Variants in PIGK observed in about 807,000 individuals in gnomAD.
PIGK encodes the protein GPI-anchor transamidase.
PIGK carries 42 observed loss-of-function variants against 50.6 expected under a neutral mutation model. The observed-to-expected ratio is 0.83, with a 90% CI of 0.65 to 1.07. The LOEUF is 1.07. Ranked by LOEUF, PIGK falls within the 50% of genes least tolerant of loss-of-function variation. PIGK has a pLI of 0.00. For missense variants in PIGK, 448 were observed against 488.7 expected, an observed-to-expected ratio of 0.92 and a Z score of 0.78; for synonymous variants, 151 against 156.0, an observed-to-expected ratio of 0.97 and a Z score of 0.24.
At chr1:77,156,000 A>G (rs1655000371) in intron 8 of PIGK, among the ~76,000 whole-genome samples, 1 of 152,202 alleles carries the variant, frequency 6.6e-6, no homozygotes, top group Non-Finnish European at 1.5e-5. Context: ...ACCTAATACC[A>G]CACTGCCAGC....
At chr1:77,117,645 G>A (rs930370728) in intron 10 of PIGK, among the ~76,000 whole-genome samples, 9 of 152,142 alleles carry the variant, frequency 5.9e-5, no homozygotes, top group African/African-American at 2.2e-4. Flanking sequence ...CCTGTGTGAT[G>A]GAAGTTAGGG....
chr1:77,203,860 T>C (rs910331537), intron 3 of PIGK, among the ~76,000 whole-genome samples: 1 of 152,206 alleles, frequency 6.6e-6, no homozygotes, highest in African/African-American at 2.4e-5. Context: ...TAATTTCCTA[T>C]GCCTGTCTTT....
At chr1:77,205,476 C>T (rs1656268127) in intron 3 of PIGK, among the ~76,000 whole-genome samples, 1 of 151,716 alleles carries the variant, frequency 6.6e-6, no homozygotes, top group African/African-American at 2.4e-5. Flanking sequence ...TGTAATATAA[C>T]TTTGTTTCCT....
chr1:77,112,379 G>A (rs1472910735), intron 10 of PIGK, among the ~76,000 whole-genome samples: 1 of 151,964 alleles, frequency 6.6e-6, no homozygotes, highest in Non-Finnish European at 1.5e-5. Flanking sequence ...GAAGGGAACT[G>A]TGTTTTAATT....
At chr1:77,175,539 T>G (rs1655465642) in intron 3 of PIGK, among the ~76,000 whole-genome samples, 1 of 152,014 alleles carries the variant, frequency 6.6e-6, no homozygotes, top group Non-Finnish European at 1.5e-5. Flanking sequence ...ACATGCAAGG[T>G]GTATAAGGAA....
chr1:77,119,920 A>G (rs1318897679), intron 10 of PIGK, among the ~76,000 whole-genome samples: 8 of 152,026 alleles, frequency 5.3e-5, no homozygotes, highest in Non-Finnish European at 1.0e-4. Flanking sequence ...AGAGATATGT[A>G]TACATAGTAC....
rs183342425 is a variant in PIGK at position 77,182,989 on chromosome 1, C to T, written c.240-13594G>A. On this transcript the variant is annotated intron_variant, in intron 3 of 10. Transcript: ENST00000370812. ...TGATGAACTCAGGGATTCTGTCTCC[C>T]GGCTTCAGATACTGAGCCTCCCATC... 1.2e-3 allele frequency among the ~76,000 whole-genome samples: 179 copies of T among 152,256 alleles called. 1 individual carries two copies. The highest frequency in any genetic ancestry group is 4.2e-3 in the African/African-American group (173 of 41,548).
At chr1:77,179,084 A>T (rs936700599) in intron 3 of PIGK, among the ~76,000 whole-genome samples, 19 of 152,338 alleles carry the variant, frequency 1.2e-4, no homozygotes, top group African/African-American at 4.6e-4. Context: ...CTAAGACTTT[A>T]AGGAAACACA....
intron 3 of PIGK, among the ~76,000 whole-genome samples, chr1:77,203,707 T>C (rs1656222844): frequency 6.6e-6 from 1 of 152,204 alleles, no homozygotes; most frequent in Non-Finnish European, 1.5e-5. Flanking sequence ...CAGAAGGACA[T>C]AAATTGTGAA....
At chr1:77,126,063 T>C (rs1239242772) in intron 9 of PIGK, among the ~76,000 whole-genome samples, 1 of 152,204 alleles carries the variant, frequency 6.6e-6, no homozygotes, top group Non-Finnish European at 1.5e-5. Context: ...TATCTTCCTG[T>C]TTGTCCATTT....
chr1:77,169,490 TCTC>T (rs150380534), intron 3 of PIGK, 95 bp from the exon 4 acceptor site: 40,028 of 999,102 alleles, frequency 0.04, 1,811 homozygotes, highest in South Asian at 0.17. Flanking sequence ...TGTTCATTTT[TCTC>T]CTCCTTAAAA....
rs201620183 is a variant in PIGK, at chr1:77,206,767, T to C, written c.148-36A>G. ...AAAACAAAAACAGAATTTTTATGCA[T>C]CAAGGCTAACCATGGAGCTGCAGAG... On this transcript the variant is annotated intron_variant, in intron 2 of 10. Transcript: ENST00000370812. 5.8e-3 allele frequency: 7,126 copies of C among 1,234,634 alleles called. 32 individuals are homozygous for C. The highest frequency in any genetic ancestry group is 7.3e-3 in the Non-Finnish European group (6,143 of 837,074). The allele number at this position is 1,234,634 out of a possible 1,614,324, so 76.5% of individuals were successfully genotyped here.
rs750665272 is a variant in PIGK, at chr1:77,090,829, T to C, written c.*1545A>G. 1 of 152,166 alleles carries C rather than the reference T, an allele frequency of 6.6e-6. No homozygotes were observed. Among genetic ancestry groups the C allele is most frequent in the Non-Finnish European group, 1.5e-5 (1 of 68,014 alleles). The allele number at this position is 152,166 out of a possible 1,614,324, so 9.4% of individuals were successfully genotyped here. A position where few individuals can be genotyped will look rare whatever the true frequency, so the allele number is the denominator to read the frequency against. ...ACAAAATTTTTCTTCCTCATTTATA[T>C]AACACATCAATAAAAAGATCAATTA... On this transcript the variant is annotated 3_prime_UTR_variant, in exon 11 of 11. Transcript: ENST00000370812.
chr1:77,190,366 A>C (rs549071483), intron 3 of PIGK, among the ~76,000 whole-genome samples: 38 of 152,324 alleles, frequency 2.5e-4, no homozygotes, highest in Non-Finnish European at 4.4e-4. Context: ...ATGCCATTGC[A>C]CTTTAGCCTG....
intron 10 of PIGK, among the ~76,000 whole-genome samples, chr1:77,116,560 C>CTG (rs1334730082): frequency 8.7e-5 from 9 of 103,902 alleles, no homozygotes; most frequent in African/African-American, 2.4e-4. Context: ...TTAAATGTGT[C>CTG]TCTGTGTGTG....
chr1:77,180,270 C>A (rs780223168), intron 3 of PIGK, among the ~76,000 whole-genome samples: 3 of 152,100 alleles, frequency 2.0e-5, no homozygotes, highest in Non-Finnish European at 4.4e-5. Flanking sequence ...GACCTTCTCT[C>A]AACACAAAGC....
chr1:77,182,807 C>T (rs1655651024), intron 3 of PIGK, among the ~76,000 whole-genome samples: 1 of 152,100 alleles, frequency 6.6e-6, no homozygotes, highest in African/African-American at 2.4e-5. Flanking sequence ...GACAGTTATG[C>T]AAAATAAATT....
chr1:77,195,066 T>A, intron 3 of PIGK: 1 of 931,838 alleles, frequency 1.1e-6, no homozygotes, highest in Admixed American at 1.8e-5. Flanking sequence ...CTGTGCACAC[T>A]GCCCATAGCA....
At chr1:77,114,140 A>G (rs1653913554) in intron 10 of PIGK, among the ~76,000 whole-genome samples, 1 of 152,172 alleles carries the variant, frequency 6.6e-6, no homozygotes, top group African/African-American at 2.4e-5. Context: ...TCTGGAAACA[A>G]AGCCTTTGTG....
Sources: gnomAD v4.1 joint callset for allele counts (sites outside exome capture counted in the v4.1 genomes callset) on GRCh38, gnomAD v4.1.1 for gene constraint, MANE v1.5 for transcripts, NCBI Gene and HGNC (gene_info 2026-07-23, HGNC 2026-07-21) for gene names.